The following SSBP2 variants were observed in gnomAD, a reference collection of about 807,000 sequenced individuals.
SSBP2 encodes single-stranded DNA-binding protein 2.
In SSBP2, 17 loss-of-function variants were observed where a neutral mutation model predicts 61.8. The ratio of observed to expected loss-of-function variants is 0.28; its 90% confidence interval spans 0.19 to 0.41. The LOEUF (loss-of-function observed/expected upper bound fraction) is 0.41, where lower values mean the gene tolerates loss of function less well. Among genes scored for constraint, SSBP2 ranks in the 10% least tolerant of loss-of-function variants. The probability of loss-of-function intolerance (pLI) is 1.00; values close to 1 mark genes in which losing one functional copy is unlikely to be tolerated. For missense variants in SSBP2, 310 were observed against 458.7 expected (o/e 0.68, Z 2.96); for synonymous variants, 139 against 141.3 (o/e 0.98, Z 0.12).
At chr5:81,733,039 C>T (rs1308154513) in intron 1 of SSBP2, among the ~76,000 whole-genome samples, 1 of 152,074 alleles carries the variant, frequency 6.6e-6, no homozygotes, top group South Asian at 2.1e-4. Flanking sequence ...GTAAGACCCT[C>T]CAATTTGGGT....
intron 4 of SSBP2, among the ~76,000 whole-genome samples, chr5:81,572,475 T>C (rs1773909909): frequency 6.6e-6 from 1 of 152,152 alleles, no homozygotes; most frequent in Non-Finnish European, 1.5e-5. Flanking sequence ...TAAATAGTCA[T>C]CAAGAAGGTA....
intron 1 of SSBP2, among the ~76,000 whole-genome samples, chr5:81,667,811 ATAT>A (rs1396517942): frequency 6.6e-6 from 1 of 152,136 alleles, no homozygotes; most frequent in Non-Finnish European, 1.5e-5. Context: ...TTTTGTCACC[ATAT>A]TTTCTTATTA....
intron 4 of SSBP2, among the ~76,000 whole-genome samples, chr5:81,524,890 T>C (rs1044151909): frequency 2.6e-5 from 4 of 152,172 alleles, no homozygotes; most frequent in Non-Finnish European, 4.4e-5. Flanking sequence ...CACAAAGGAA[T>C]GGCCCTTTAA....
At chr5:81,715,099 C>T (rs1351051776) in intron 1 of SSBP2, among the ~76,000 whole-genome samples, 2 of 152,008 alleles carry the variant, frequency 1.3e-5, no homozygotes, top group African/African-American at 4.8e-5. Context: ...ATTCCTACTA[C>T]ATCAAAGAAA....
At chr5:81,473,058 G>A (rs1281728012) in intron 8 of SSBP2, among the ~76,000 whole-genome samples, 1 of 152,198 alleles carries the variant, frequency 6.6e-6, no homozygotes, top group African/African-American at 2.4e-5. Context: ...ATGGTTTGTT[G>A]TTATACCGAT....
chr5:81,670,157 A>G, intron 1 of SSBP2, among the ~76,000 whole-genome samples: 1 of 152,178 alleles, frequency 6.6e-6, no homozygotes, highest in Non-Finnish European at 1.5e-5. Context: ...AATGTAAACT[A>G]TGGACTTCGA....
In SSBP2 at chr5:81,684,962, T is replaced by C. The variant is rs545674385; in HGVS notation, c.63-34623A>G. Reference sequence around the variant, plus strand: ...TCCCCACACAAATCTCATGGGGAATTGGAGGAGGGGCCTGGTGGGAAGTGA... The same window carrying C: ...TCCCCACACAAATCTCATGGGGAATCGGAGGAGGGGCCTGGTGGGAAGTGA... On this transcript the variant is annotated intron_variant, in intron 1 of 16. Transcript: ENST00000320672. Among the ~76,000 whole-genome samples the C allele has an allele frequency of 9.2e-5, 14 of 152,118 alleles. 1 individual carries two copies. In the South Asian group the frequency reaches 2.9e-3, roughly 32 times the overall value.
chr5:81,711,909 T>C (rs1754814229), intron 1 of SSBP2, among the ~76,000 whole-genome samples: 1 of 151,574 alleles, frequency 6.6e-6, no homozygotes, highest in Admixed American at 6.6e-5. Context: ...AAAATAAGAG[T>C]CCCTATTTCA....
intron 1 of SSBP2, among the ~76,000 whole-genome samples, chr5:81,678,950 A>G (rs1752190642): frequency 6.6e-6 from 1 of 152,224 alleles, no homozygotes; most frequent in East Asian, 1.9e-4. Context: ...ACTTGGGTCT[A>G]CATTTTTAAA....
intron 4 of SSBP2, among the ~76,000 whole-genome samples, chr5:81,534,295 C>T (rs1770644589): frequency 6.6e-6 from 1 of 152,062 alleles, no homozygotes; most frequent in African/African-American, 2.4e-5. Context: ...CCCAGGATAT[C>T]ATGTCCAGCT....
At chr5:81,563,197 A>G (rs1773178495) in intron 4 of SSBP2, among the ~76,000 whole-genome samples, 1 of 152,194 alleles carries the variant, frequency 6.6e-6, no homozygotes, top group Non-Finnish European at 1.5e-5. Flanking sequence ...CAGAATAGAG[A>G]ATCCACACAT....
chr5:81,663,697 A>G (rs1356526642), intron 1 of SSBP2, among the ~76,000 whole-genome samples: 2 of 152,148 alleles, frequency 1.3e-5, no homozygotes, highest in African/African-American at 4.8e-5. Context: ...TGACCATAAT[A>G]TCCTATATCT....
At chr5:81,533,560 T>G (rs1473746060) in intron 4 of SSBP2, among the ~76,000 whole-genome samples, 1 of 151,996 alleles carries the variant, frequency 6.6e-6, no homozygotes, top group African/African-American at 2.4e-5. Context: ...ATGTAAGAAC[T>G]TGGAAGTCAC....
intron 5 of SSBP2, among the ~76,000 whole-genome samples, chr5:81,512,240 A>T (rs2154082294): frequency 6.6e-6 from 1 of 152,326 alleles, no homozygotes. Context: ...AGAAGTCCAG[A>T]CTACTTTGAT....
intron 1 of SSBP2, among the ~76,000 whole-genome samples, chr5:81,691,828 C>T (rs943026308): frequency 2.0e-5 from 3 of 152,110 alleles, no homozygotes; most frequent in Admixed American, 2.0e-4. Context: ...ATACTAGCAA[C>T]CAAATTCAAC....
Position 81,595,457 on chromosome 5 carries a change from T to C in SSBP2, c.282+20016A>G, listed in dbSNP as rs752052677. Reference sequence around the variant, plus strand: ...TTCCTTCTGAAACTATTCCAATCGATAGAAAAAAAGGGAATCCTCCCTAAC... The same window carrying C: ...TTCCTTCTGAAACTATTCCAATCGACAGAAAAAAAGGGAATCCTCCCTAAC... On this transcript the variant is annotated intron_variant, in intron 4 of 16. Coordinates refer to ENST00000320672, the MANE Select transcript of SSBP2 (RefSeq NM_012446.5). Among the ~76,000 whole-genome samples, 213 of 151,944 alleles carry C rather than the reference T, an allele frequency of 1.4e-3. 1 individual carries two copies. Among genetic ancestry groups the C allele is most frequent in the Non-Finnish European group, 2.5e-3 (171 of 67,940 alleles).
At chr5:81,521,560 A>C (rs1769485512) in intron 4 of SSBP2, among the ~76,000 whole-genome samples, 2 of 152,026 alleles carry the variant, frequency 1.3e-5, no homozygotes, top group African/African-American at 4.8e-5. Flanking sequence ...TTAGTGGTAC[A>C]GAGAAGTCTG....
At chr5:81,694,900 G>C (rs1389403793) in intron 1 of SSBP2, among the ~76,000 whole-genome samples, 1 of 152,112 alleles carries the variant, frequency 6.6e-6, no homozygotes, top group African/African-American at 2.4e-5. Context: ...AGCTACTCAG[G>C]AAGGCAGGAG....
At position 81,420,387 on chromosome 5, in the gene SSBP2, T is replaced by G; in HGVS notation, c.*117A>C. On this transcript the variant is annotated 3_prime_UTR_variant, in exon 17 of 17. Coordinates refer to ENST00000320672, the MANE Select transcript of SSBP2 (RefSeq NM_012446.5). Reference sequence around the variant, plus strand: ...AGAGAGCAGGAAATAAAAAGGTTGGTTTGGTGTGACTGAGATTCCTTTGTT... The same window carrying G: ...AGAGAGCAGGAAATAAAAAGGTTGGGTTGGTGTGACTGAGATTCCTTTGTT... The G allele has an allele frequency of 9.8e-7, 1 of 1,023,080 alleles. No individual in the cohort carries two copies. Among genetic ancestry groups the G allele is most frequent in the Non-Finnish European group, 1.5e-6 (1 of 663,924 alleles). The allele number at this position is 1,023,080 out of a possible 1,614,324, so 63.4% of individuals were successfully genotyped here. A position where few individuals can be genotyped will look rare whatever the true frequency, so the allele number is the denominator to read the frequency against.
Sources: allele counts gnomAD v4.1 joint callset (sites outside exome capture counted in the v4.1 genomes callset), GRCh38; gene constraint gnomAD v4.1.1; transcripts MANE v1.5; gene names NCBI Gene and HGNC (gene_info 2026-07-23, HGNC 2026-07-21).